Variants in SETD7 observed in about 807,000 individuals in gnomAD.
SETD7 encodes the protein histone-lysine N-methyltransferase SETD7.
Under a neutral mutation model 41.8 loss-of-function variants are expected in SETD7, and 16 were observed. That is an observed-to-expected ratio of 0.38 (90% CI 0.26 to 0.58). The LOEUF is 0.58. SETD7 is among the 20% of genes least tolerant of loss of function. The pLI is 0.64. For synonymous variants in SETD7, 163 were observed against 169.7 expected (o/e 0.96, Z 0.31); for missense variants, 346 against 459.7 (o/e 0.75, Z 2.26).
At chr4:139,554,702 C>T (rs1309310628) in intron 1 of SETD7, among the ~76,000 whole-genome samples, 3 of 152,218 alleles carry the variant, frequency 2.0e-5, no homozygotes, top group African/African-American at 7.2e-5. Flanking sequence ...CTTTAATTGG[C>T]TTCGAAGTTA....
At position 139,510,229 on chromosome 4, in the gene SETD7, C is replaced by G. The variant is rs1004860107; in HGVS notation, c.*1434G>C. ...CTGACTCAGGTGACAGGAATCACAG[C>G]TGACAGCTACAGATCAGCACAACAG... On this transcript the variant is annotated 3_prime_UTR_variant, in exon 8 of 8. Transcript: ENST00000274031. 5 of 94,640 alleles carry G rather than the reference C, an allele frequency of 5.3e-5. No homozygotes were observed. 5.9% of individuals were successfully genotyped at this position (94,640 alleles called of 1,614,324 possible).
chr4:139,546,205 T>C (rs1249814588), intron 2 of SETD7: 1 of 154,576 alleles, frequency 6.5e-6, no homozygotes, highest in African/African-American at 2.4e-5. Context: ...CTGACATTAG[T>C]ATTAAATTAT....
In SETD7 at chr4:139,506,406, C is replaced by T. The variant is rs1294987835; in HGVS notation, c.*5257G>A. ...ATACCCCTGGCTTCTACTTCTTCAA[C>T]ATACCTCACAACCTAATAAATGTAT... On this transcript the variant is annotated 3_prime_UTR_variant, in exon 8 of 8. Coordinates refer to ENST00000274031, the MANE Select transcript of SETD7 (RefSeq NM_030648.4). 1 of 152,638 alleles carries T rather than the reference C, an allele frequency of 6.6e-6. No individual in the cohort carries two copies. Among genetic ancestry groups the T allele is most frequent in the Non-Finnish European group, 1.5e-5 (1 of 68,048 alleles). 9.5% of individuals were successfully genotyped at this position (152,638 alleles called of 1,614,324 possible).
In SETD7 at chr4:139,535,583, C is replaced by T. The variant is rs903225552; in HGVS notation, c.171-2217G>A. Among the ~76,000 whole-genome samples the T allele has an allele frequency of 1.6e-4, 25 of 152,170 alleles. 1 individual carries two copies. Among genetic ancestry groups the T allele is most frequent in the Non-Finnish European group, 3.7e-4 (25 of 68,032 alleles). On this transcript the variant is annotated intron_variant, in intron 2 of 7. Transcript: ENST00000274031. ...AAATAATATGGACTTGCAGACATTT[C>T]CCCCAACTGTATTCAGTGGCTTGTC...
intron 7 of SETD7, among the ~76,000 whole-genome samples, chr4:139,515,915 C>T (rs1727009663): frequency 6.6e-6 from 1 of 152,148 alleles, no homozygotes; most frequent in South Asian, 2.1e-4. Context: ...TCACTGGCTC[C>T]CAGGAAGAGC....
chr4:139,498,826 T>C (rs1346595135), intron 7 of SETD7, among the ~76,000 whole-genome samples: 2 of 152,208 alleles, frequency 1.3e-5, no homozygotes, highest in Admixed American at 6.5e-5. Flanking sequence ...GTGTAAAAAC[T>C]GACCATAAAG....
At chr4:139,528,957 G>T (rs568962532) in intron 4 of SETD7, 74 bp downstream of exon 4, 2 of 1,279,828 alleles carry the variant, frequency 1.6e-6, no homozygotes, top group South Asian at 2.5e-5. Context: ...GAAAAGAAAA[G>T]AAGCTTGTCT....
chr4:139,528,116 A>C (rs915798128), intron 4 of SETD7, among the ~76,000 whole-genome samples: 2 of 152,194 alleles, frequency 1.3e-5, no homozygotes, highest in African/African-American at 4.8e-5. Context: ...AGCTTTCTTA[A>C]GCTGTGCCAC....
rs1006305046 is a variant in SETD7 at position 139,555,588 on chromosome 4, G to A, written c.40+510C>T. ...GCTGCCACGTGCCTGGTCTGGCCCC[G>A]TGCGCTGCGCCGGGGGACCTACCCG... On this transcript the variant is annotated intron_variant, in intron 1 of 7. Transcript: ENST00000274031. The surrounding 1 kb of genome is among the most constrained non-coding windows in gnomAD (Gnocchi z 4.0). Among the ~76,000 whole-genome samples the A allele has an allele frequency of 1.3e-5, 2 of 152,056 alleles. No homozygotes were observed. The highest frequency in any genetic ancestry group is 4.8e-5 in the African/African-American group (2 of 41,434).
downstream of SETD7, among the ~76,000 whole-genome samples, chr4:139,504,930 G>T (rs1006805214): frequency 6.6e-6 from 1 of 152,186 alleles, no homozygotes; most frequent in African/African-American, 2.4e-5. Flanking sequence ...CAAGGAAGAA[G>T]AATATTAATA....
intron 7 of SETD7, among the ~76,000 whole-genome samples, chr4:139,499,678 C>A (rs1004167961): frequency 6.6e-6 from 1 of 152,176 alleles, no homozygotes. Flanking sequence ...CTTAAAAACC[C>A]CAGCCTCTAA....
Position 139,509,981 on chromosome 4 carries a change from G to A in SETD7, c.*1682C>T, listed in dbSNP as rs1369967181. On this transcript the variant is annotated 3_prime_UTR_variant, in exon 8 of 8. Coordinates refer to ENST00000274031, the MANE Select transcript of SETD7 (RefSeq NM_030648.4). The stretch of plus-strand genomic sequence containing the variant: ...AAGCCTGGTGTTGCAAAGAAGGGAA[G>A]GGCAACTCTGTCAATGTGCCCAAGG... 7.1e-6 allele frequency: 5 copies of A among 706,540 alleles called. No homozygotes were observed. The highest frequency in any genetic ancestry group is 6.4e-5 in the South Asian group (1 of 15,706). 43.8% of individuals were successfully genotyped at this position (706,540 alleles called of 1,614,324 possible). A position where few individuals can be genotyped will look rare whatever the true frequency, so the allele number is the denominator to read the frequency against.
At chr4:139,519,918 A>T (rs1020810632) in intron 6 of SETD7, among the ~76,000 whole-genome samples, 2 of 152,256 alleles carry the variant, frequency 1.3e-5, no homozygotes, top group African/African-American at 4.8e-5. Flanking sequence ...GATATAGTAT[A>T]GCATGGCTTT....
chr4:139,516,060 G>T (rs957581471), intron 7 of SETD7, among the ~76,000 whole-genome samples: 20 of 152,102 alleles, frequency 1.3e-4, no homozygotes, highest in African/African-American at 4.8e-4. Flanking sequence ...CTACTAAAGT[G>T]TTTGTAGGGC....
intron 7 of SETD7, among the ~76,000 whole-genome samples, chr4:139,497,012 A>G (rs937808689): frequency 3.1e-4 from 47 of 152,182 alleles, no homozygotes; most frequent in Non-Finnish European, 6.0e-4. Flanking sequence ...CGTGTTTTAC[A>G]GATAACTGTG....
At chr4:139,548,913 G>A (rs938342240) in intron 1 of SETD7, among the ~76,000 whole-genome samples, 3 of 152,202 alleles carry the variant, frequency 2.0e-5, no homozygotes. Flanking sequence ...AATTGTACAT[G>A]ACATAAATTC....
intron 4 of SETD7, among the ~76,000 whole-genome samples, chr4:139,524,784 A>G (rs2111140241): frequency 6.6e-6 from 1 of 152,272 alleles, no homozygotes; most frequent in South Asian, 2.1e-4. Flanking sequence ...ACAGACCACC[A>G]AGCAATCCAC....
At chr4:139,495,180 C>A (rs186151841), downstream of SETD7, among the ~76,000 whole-genome samples, 20 of 152,188 alleles carry the variant, frequency 1.3e-4, no homozygotes, top group East Asian at 3.3e-3. Flanking sequence ...ATGAAAAGTA[C>A]CCAGTTCAGT....
intron 2 of SETD7, among the ~76,000 whole-genome samples, chr4:139,545,067 A>T (rs1205669458): frequency 6.6e-6 from 1 of 152,206 alleles, no homozygotes; most frequent in South Asian, 2.1e-4. Flanking sequence ...TTGCAGAATA[A>T]GGTTAAAAGT....
Sources: allele counts gnomAD v4.1 joint callset (sites outside exome capture counted in the v4.1 genomes callset), GRCh38; gene constraint gnomAD v4.1.1; non-coding constraint Gnocchi (gnomAD v3.1); transcripts MANE v1.5; gene names NCBI Gene and HGNC (gene_info 2026-07-23, HGNC 2026-07-21).